Variants in FIP1L1 observed in about 807,000 individuals in gnomAD.
FIP1L1 encodes the protein factor interacting with PAPOLA and CPSF1.
In FIP1L1, 21 loss-of-function variants were observed where a neutral mutation model predicts 84.6. The ratio of observed to expected loss-of-function variants is 0.25; its 90% CI spans 0.18 to 0.36. FIP1L1 has a LOEUF of 0.36. Among genes scored for constraint, FIP1L1 ranks in the 10% least tolerant of loss-of-function variants. The pLI is 1.00. For missense variants in FIP1L1, 526 were observed against 751.1 expected (o/e 0.70, Z 3.50); for synonymous variants, 263 against 242.3 (o/e 1.09, Z -0.80).
At position 53,428,021 on chromosome 4, in the gene FIP1L1, T is replaced by C. The variant is rs1381690958; in HGVS notation, c.1018-6T>C. ...ATCTGTTTAATTAACTGTGCTCTAATTTTAGGTCCTTTCTGAAAGATCTGC... is the reference window on the plus strand; with the variant it reads ...ATCTGTTTAATTAACTGTGCTCTAACTTTAGGTCCTTTCTGAAAGATCTGC... On this transcript the variant is annotated splice_polypyrimidine_tract_variant and splice_region_variant and intron_variant, in intron 12 of 17. Coordinates refer to ENST00000337488, the MANE Select transcript of FIP1L1 (RefSeq NM_030917.4). The C allele has an allele frequency of 1.3e-6, 2 of 1,599,986 alleles. No homozygotes were observed. Among genetic ancestry groups the C allele is most frequent in the African/African-American group, 2.7e-5 (2 of 74,742 alleles).
At chr4:53,398,378 A>G (rs2149472648) in intron 9 of FIP1L1, among the ~76,000 whole-genome samples, 1 of 152,354 alleles carries the variant, frequency 6.6e-6, no homozygotes, top group East Asian at 1.9e-4. Flanking sequence ...AGTATCAATT[A>G]GAGATTGGGT....
chr4:53,430,706 CATT>C, intron 13 of FIP1L1, among the ~76,000 whole-genome samples: 1 of 152,200 alleles, frequency 6.6e-6, no homozygotes, highest in African/African-American at 2.4e-5. Flanking sequence ...TTATTAATGA[CATT>C]ATACTATAGA....
intron 10 of FIP1L1, among the ~76,000 whole-genome samples, chr4:53,413,044 T>C (rs1757881116): frequency 6.6e-6 from 1 of 152,182 alleles, no homozygotes; most frequent in Non-Finnish European, 1.5e-5. Context: ...AGCTTATTTG[T>C]ATACATGGTG....
chr4:53,412,109 A>G (rs897195660), intron 10 of FIP1L1, among the ~76,000 whole-genome samples: 2 of 152,156 alleles, frequency 1.3e-5, no homozygotes, highest in African/African-American at 4.8e-5. Flanking sequence ...TAACTTCCAT[A>G]TACTGTATCC....
At chr4:53,439,204 G>T (rs1430544592) in intron 13 of FIP1L1, among the ~76,000 whole-genome samples, 1 of 152,054 alleles carries the variant, frequency 6.6e-6, no homozygotes, top group East Asian at 1.9e-4. Flanking sequence ...TGGTTTGTTG[G>T]ATTCTTTTAG....
chr4:53,407,322 G>T (rs1754160502), intron 10 of FIP1L1, among the ~76,000 whole-genome samples: 1 of 152,176 alleles, frequency 6.6e-6, no homozygotes, highest in African/African-American at 2.4e-5. Context: ...GAGCGGTTCT[G>T]AGTGAGTTTC....
At chr4:53,457,412 A>G (rs1719806657) in intron 16 of FIP1L1, among the ~76,000 whole-genome samples, 1 of 152,158 alleles carries the variant, frequency 6.6e-6, no homozygotes, top group Non-Finnish European at 1.5e-5. Flanking sequence ...ATATACAAAT[A>G]TGTGCAAATG....
intron 1 of FIP1L1, chr4:53,378,634 C>A: frequency 6.3e-6 from 1 of 159,976 alleles, no homozygotes; most frequent in Non-Finnish European, 1.4e-5. Flanking sequence ...ATTTGTTTTT[C>A]TCAAAATAAA....
chr4:53,394,254 A>C (rs1297004821), intron 9 of FIP1L1, among the ~76,000 whole-genome samples: 1 of 151,964 alleles, frequency 6.6e-6, no homozygotes, highest in Non-Finnish European at 1.5e-5. Context: ...TTGATTATTT[A>C]AGTTAGTTAT....
At chr4:53,385,308 T>G (rs544668071) in intron 5 of FIP1L1, among the ~76,000 whole-genome samples, 8 of 152,290 alleles carry the variant, frequency 5.3e-5, no homozygotes, top group African/African-American at 1.9e-4. Flanking sequence ...ACAATTTTTT[T>G]GGATTATGGA....
At chr4:53,432,439 A>G (rs1271919807) in intron 13 of FIP1L1, among the ~76,000 whole-genome samples, 1 of 148,998 alleles carries the variant, frequency 6.7e-6, no homozygotes, top group African/African-American at 2.5e-5. Flanking sequence ...GAAAACAAAT[A>G]CTGGCTAATT....
chr4:53,382,248 G>A, intron 3 of FIP1L1, 30 bp from the exon 4 acceptor site: 1 of 1,532,434 alleles, frequency 6.5e-7, no homozygotes, highest in Non-Finnish European at 9.0e-7. Context: ...AGTAATGCCT[G>A]ACATGTATAC....
intron 13 of FIP1L1, among the ~76,000 whole-genome samples, chr4:53,431,718 C>T (rs1766760511): frequency 6.6e-6 from 1 of 152,118 alleles, no homozygotes; most frequent in South Asian, 2.1e-4. Context: ...ATTATTCATT[C>T]TTAGAAAGAA....
chr4:53,421,110 G>A (rs1262069969), intron 11 of FIP1L1, among the ~76,000 whole-genome samples: 1 of 152,172 alleles, frequency 6.6e-6, no homozygotes, highest in African/African-American at 2.4e-5. Context: ...CACTGATTTA[G>A]AGCCTTGATT....
chr4:53,449,349 A>T (rs1403360197), intron 15 of FIP1L1, among the ~76,000 whole-genome samples: 1 of 152,072 alleles, frequency 6.6e-6, no homozygotes, highest in Non-Finnish European at 1.5e-5. Flanking sequence ...ACTGGGTTGT[A>T]TCAAATGCTT....
chr4:53,391,909 T>C (rs1427328552), intron 9 of FIP1L1, among the ~76,000 whole-genome samples: 5 of 152,228 alleles, frequency 3.3e-5, no homozygotes, highest in East Asian at 1.9e-4. Context: ...ATGACACTTA[T>C]AACACTGATA....
At chr4:53,404,733 G>C (rs1187213864) in intron 10 of FIP1L1, among the ~76,000 whole-genome samples, 5 of 152,104 alleles carry the variant, frequency 3.3e-5, no homozygotes, top group Non-Finnish European at 5.9e-5. Context: ...ATCTCATTGT[G>C]GTTTTGATTT....
In FIP1L1 at chr4:53,382,315, G is replaced by A. The variant is rs1351785373; in HGVS notation, c.208G>A (p.Glu70Lys). 4.3e-6 allele frequency: 7 copies of A among 1,613,690 alleles called. No individual in the cohort carries two copies. Among genetic ancestry groups the A allele is most frequent in the Non-Finnish European group, 5.9e-6 (7 of 1,179,656 alleles). The change falls in exon 4 of 18, where the codon GAA becomes AAA. Residue 70 changes from glutamate to lysine, a missense_variant. Glu to Lys is a moderately conservative substitution (Grantham distance 56). Around this residue, in one of 6 missense-constraint regions of FIP1L1, gnomAD observed 100 missense variants for 107.2 expected, o/e 0.93. Coordinates refer to ENST00000337488, the MANE Select transcript of FIP1L1 (RefSeq NM_030917.4). ...ATCTGGAATTGAAGATGAAACTGCTGAAAATGGTGTACCAAAACCGGTAAC... is the reference window on the plus strand; with the variant it reads ...ATCTGGAATTGAAGATGAAACTGCTAAAAATGGTGTACCAAAACCGGTAAC... ...PPSGIEDETA[E>K]NGVPKPKVTE...
Position 53,377,891 on chromosome 4 carries a change from G to C in FIP1L1, c.53G>C (p.Gly18Ala). ...GTGTCGGAGCTGAGCGGCGGGACCG[G>C]AGGGGATGAGGAGGAAGAGTGGCTC... is the stretch of plus-strand genomic sequence containing the variant. ...RLVSELSGGT[G>A]GDEEEEWLYG... The change falls in exon 1 of 18, where the codon GGA becomes GCA. Residue 18 changes from glycine to alanine, a missense_variant. Physicochemically the swap from Gly to Ala is moderately conservative, Grantham distance 60. Transcript: ENST00000337488. 9.4e-6 allele frequency: 15 copies of C among 1,601,508 alleles called. No individual in the cohort carries two copies. The highest frequency in any genetic ancestry group is 2.3e-5 in the East Asian group (1 of 44,206).
Sources: gnomAD v4.1 joint callset for allele counts (sites outside exome capture counted in the v4.1 genomes callset) on GRCh38, gnomAD v4.1.1 for gene constraint, gnomAD v4.1.1 regional missense constraint, MANE v1.5 for transcripts, NCBI Gene and HGNC (gene_info 2026-07-23, HGNC 2026-07-21) for gene names.